Variants in DNMT3A observed in about 807,000 individuals in gnomAD.
DNMT3A encodes DNA (cytosine-5)-methyltransferase 3A.
Under a neutral mutation model 117.6 loss-of-function variants are expected in DNMT3A, and 267 were observed. The observed-to-expected ratio is 2.27, with a 90% CI of 2.05 to 2.51. The LOEUF (loss-of-function observed/expected upper bound fraction) is 2.51, where lower values mean the gene tolerates loss of function less well. Ranked by LOEUF, DNMT3A falls within the 30% of genes most tolerant of loss-of-function variation. The pLI, the probability that DNMT3A is intolerant of heterozygous loss-of-function variation, is 0.00. For synonymous variants in DNMT3A, 432 were observed against 474.8 expected (o/e 0.91, Z 1.17); for missense variants, 1,029 against 1,260.2 (o/e 0.82, Z 2.78).
Position 25,296,550 on chromosome 2 carries a change from T to C in DNMT3A, c.177+3589A>G, listed in dbSNP as rs2033100795. On this transcript the variant is annotated intron_variant, in intron 3 of 22. Transcript: ENST00000321117. The surrounding 1 kb of genome is among the most constrained non-coding windows in gnomAD (Gnocchi z 4.2). ...GCCGGTGCTACATTTACTGTGATTA[T>C]GTGTGGCCTCCTCTCTCCAGCACAC... Among the ~76,000 whole-genome samples the C allele has an allele frequency of 6.6e-6, 1 of 152,210 alleles. No homozygotes were observed. The highest frequency in any genetic ancestry group is 6.5e-5 in the Admixed American group (1 of 15,286).
In DNMT3A at chr2:25,257,448, C is replaced by T. The variant is rs1244807955; in HGVS notation, c.640-9196G>A. ...CTCTGCTTGGAGCTTGTTGTTATGGCAACATCCCCCCTTCCTGTCATTCTC... is the reference window on the plus strand; with the variant it reads ...CTCTGCTTGGAGCTTGTTGTTATGGTAACATCCCCCCTTCCTGTCATTCTC... On this transcript the variant is annotated intron_variant, in intron 6 of 22. Transcript: ENST00000321117. The surrounding 1 kb of genome is among the most constrained non-coding windows in gnomAD (Gnocchi z 4.8). 6.6e-6 allele frequency among the ~76,000 whole-genome samples: 1 copy of T among 152,160 alleles called. No homozygotes were observed. Among genetic ancestry groups the T allele is most frequent in the East Asian group, 1.9e-4 (1 of 5,186 alleles).
intron 2 of DNMT3A, among the ~76,000 whole-genome samples, chr2:25,301,655 C>T (rs1001696125): frequency 2.0e-5 from 3 of 152,194 alleles, no homozygotes; most frequent in African/African-American, 7.2e-5. Flanking sequence ...CTCAGCTGGG[C>T]TCTGGCATGA....
chr2:25,251,666 C>A (rs1008563240), intron 6 of DNMT3A, among the ~76,000 whole-genome samples: 3 of 152,224 alleles, frequency 2.0e-5, no homozygotes, highest in Non-Finnish European at 4.4e-5. Flanking sequence ...CAGGGTCGCA[C>A]CGTGCTCTCC....
At chr2:25,303,743 G>A (rs567807585) in intron 2 of DNMT3A, among the ~76,000 whole-genome samples, 3 of 152,364 alleles carry the variant, frequency 2.0e-5, no homozygotes, top group African/African-American at 7.2e-5. Context: ...ACTCTTCCGC[G>A]ATGGAGTCTT....
chr2:25,251,704 C>G (rs1031551981), intron 6 of DNMT3A, among the ~76,000 whole-genome samples: 1 of 152,236 alleles, frequency 6.6e-6, no homozygotes, highest in Admixed American at 6.5e-5. Flanking sequence ...TTCTGGCGGC[C>G]TGCCTGGAGG....
Position 25,305,102 on chromosome 2 carries a change from T to C in DNMT3A, c.73-4859A>G, listed in dbSNP as rs2033716234. ...AGAGTAGGTGCCTGACGTGAGTCCA[T>C]AGACGCAAACAGAGACACACGTACA... On this transcript the variant is annotated intron_variant, in intron 2 of 22. Coordinates refer to ENST00000321117, the MANE Select transcript of DNMT3A (RefSeq NM_022552.5). The surrounding 1 kb of genome is among the most constrained non-coding windows in gnomAD (Gnocchi z 4.1). Among the ~76,000 whole-genome samples the C allele has an allele frequency of 6.6e-6, 1 of 152,210 alleles. No homozygotes were observed. Among genetic ancestry groups the C allele is most frequent in the Non-Finnish European group, 1.5e-5 (1 of 68,050 alleles).
At chr2:25,270,757 G>C (rs2030811966) in intron 6 of DNMT3A, among the ~76,000 whole-genome samples, 1 of 152,204 alleles carries the variant, frequency 6.6e-6, no homozygotes, top group Non-Finnish European at 1.5e-5. Flanking sequence ...CAGCGGCCTT[G>C]GGAAGGCCCA....
chr2:25,279,780 G>A (rs577506599), intron 4 of DNMT3A, among the ~76,000 whole-genome samples: 1 of 151,876 alleles, frequency 6.6e-6, no homozygotes, highest in East Asian at 1.9e-4. Context: ...TCCACCTCCC[G>A]GGTTTAAGTG....
chr2:25,304,289 T>C lies in DNMT3A; in HGVS notation c.73-4046A>G, dbSNP rs1396364305. On this transcript the variant is annotated intron_variant, in intron 2 of 22. Transcript: ENST00000321117. The surrounding 1 kb of genome is among the most constrained non-coding windows in gnomAD (Gnocchi z 4.3). ...ACCTCCCTGAGTCTTGCTTTCCTCATCTATAAAATGGGATGATATCTACTT... is the reference window on the plus strand; with the variant it reads ...ACCTCCCTGAGTCTTGCTTTCCTCACCTATAAAATGGGATGATATCTACTT... 6.6e-6 allele frequency among the ~76,000 whole-genome samples: 1 copy of C among 152,162 alleles called. No homozygotes were observed. The highest frequency in any genetic ancestry group is 1.5e-5 in the Non-Finnish European group (1 of 68,038).
intron 12 of DNMT3A, 99 bp from the exon 13 acceptor site, chr2:25,245,431 GC>G: frequency 9.1e-7 from 1 of 1,101,816 alleles, no homozygotes; most frequent in Non-Finnish European, 1.3e-6. Flanking sequence ...AAAGGGGTGT[GC>G]CAGAGCGGCA....
At chr2:25,240,910 G>A (rs1673952602) in intron 17 of DNMT3A, among the ~76,000 whole-genome samples, 180 bp from the exon 18 acceptor site, 1 of 152,198 alleles carries the variant, frequency 6.6e-6, no homozygotes, top group Non-Finnish European at 1.5e-5. Flanking sequence ...ACAAGAACGG[G>A]ACCAAGTTGG....
At chr2:25,235,953 T>TGG in intron 21 of DNMT3A, 128 bp from the exon 22 acceptor site, 1 of 844,432 alleles carries the variant, frequency 1.2e-6, no homozygotes, top group Non-Finnish European at 2.0e-6. Flanking sequence ...GGGGGCTGGG[T>TGG]ATGGCTCTGA....
chr2:25,288,600 G>A (rs1307260792), intron 3 of DNMT3A, among the ~76,000 whole-genome samples: 3 of 152,136 alleles, frequency 2.0e-5, no homozygotes, highest in Non-Finnish European at 4.4e-5. Context: ...GTAAGCCACT[G>A]TGCCCGGCCT....
rs1016797203 is a variant in DNMT3A at position 25,257,858 on chromosome 2, G to C, written c.640-9606C>G. On this transcript the variant is annotated intron_variant, in intron 6 of 22. Transcript: ENST00000321117. The surrounding 1 kb of genome is among the most constrained non-coding windows in gnomAD (Gnocchi z 4.8). The stretch of plus-strand genomic sequence containing the variant: ...GTGTGGAAACACGGAGACCCTGGCT[G>C]TGTCTGTTACAAATGAGAACACTGA... 3.9e-5 allele frequency among the ~76,000 whole-genome samples: 6 copies of C among 152,218 alleles called. No individual in the cohort carries two copies. The highest frequency in any genetic ancestry group is 3.9e-4 in the Admixed American group (6 of 15,288).
chr2:25,261,903 G>A (rs943803600), intron 6 of DNMT3A, among the ~76,000 whole-genome samples: 1 of 151,844 alleles, frequency 6.6e-6, no homozygotes, highest in African/African-American at 2.4e-5. Flanking sequence ...CCTGTCCCCT[G>A]GGGTCGGGCG....
At position 25,257,257 on chromosome 2, in the gene DNMT3A, C is replaced by T. The variant is rs1403467157; in HGVS notation, c.640-9005G>A. ...GCAGGGGGAAGGTGTCAGATGTGCA[C>T]CCGGAGAGCAGAGGGGTCCAAAGGC... On this transcript the variant is annotated intron_variant, in intron 6 of 22. Coordinates refer to ENST00000321117, the MANE Select transcript of DNMT3A (RefSeq NM_022552.5). The surrounding 1 kb of genome is among the most constrained non-coding windows in gnomAD (Gnocchi z 4.8). Among the ~76,000 whole-genome samples the T allele has an allele frequency of 6.6e-6, 1 of 152,204 alleles. No individual in the cohort carries two copies. Among genetic ancestry groups the T allele is most frequent in the East Asian group, 1.9e-4 (1 of 5,194 alleles).
chr2:25,321,393 G>C (rs2034591874), intron 1 of DNMT3A, among the ~76,000 whole-genome samples: 2 of 152,126 alleles, frequency 1.3e-5, no homozygotes, highest in South Asian at 4.1e-4. Flanking sequence ...CTCCTGCTCT[G>C]ACTACTCTTC....
intron 6 of DNMT3A, among the ~76,000 whole-genome samples, chr2:25,250,832 G>T (rs1331768083): frequency 6.6e-6 from 1 of 152,220 alleles, no homozygotes; most frequent in African/African-American, 2.4e-5. Context: ...GCGGGAAGGG[G>T]AAAGGACCCG....
rs141961857 is a variant in DNMT3A at position 25,314,118 on chromosome 2, C to A, written c.-134G>T. On this transcript the variant is annotated 5_prime_UTR_variant, in exon 2 of 23. Coordinates refer to ENST00000321117, the MANE Select transcript of DNMT3A (RefSeq NM_022552.5). ...TCCCGGTGTTGAGCCCTCTGGTGAA[C>A]GGTGCCTCTGTCAGCCTGTGGGTGG... is the stretch of plus-strand genomic sequence containing the variant. 1.0e-4 allele frequency: 148 copies of A among 1,428,758 alleles called. No homozygotes were observed. Among genetic ancestry groups the A allele is most frequent in the Non-Finnish European group, 1.3e-4 (140 of 1,094,180 alleles). 88.5% of individuals were successfully genotyped at this position (1,428,758 alleles called of 1,614,324 possible). A position where few individuals can be genotyped will look rare whatever the true frequency, so the allele number is the denominator to read the frequency against.
Sources: allele counts gnomAD v4.1 joint callset (sites outside exome capture counted in the v4.1 genomes callset), GRCh38; gene constraint gnomAD v4.1.1; non-coding constraint Gnocchi (gnomAD v3.1); transcripts MANE v1.5; gene names NCBI Gene and HGNC (gene_info 2026-07-23, HGNC 2026-07-21).